The following TACC2 variants were observed in gnomAD, a reference collection of about 807,000 sequenced individuals.
TACC2 encodes the protein transforming acidic coiled-coil-containing protein 2.
TACC2 carries 137 observed loss-of-function variants against 227.3 expected under a neutral mutation model. That is an observed-to-expected ratio of 0.60 (90% CI 0.52 to 0.69). The LOEUF (loss-of-function observed/expected upper bound fraction) is 0.69, where lower values mean the gene tolerates loss of function less well. Among genes scored for constraint, TACC2 ranks in the 30% least tolerant of loss-of-function variants. TACC2 has a pLI of 0.00. For synonymous variants in TACC2, 1,523 were observed against 1,487.5 expected (o/e 1.02, Z -0.55); for missense variants, 3,470 against 3,694.4 (o/e 0.94, Z 1.57).
intron 7 of TACC2, among the ~76,000 whole-genome samples, chr10:122,175,141 A>T (rs1192525962): frequency 6.6e-6 from 1 of 151,900 alleles, no homozygotes; most frequent in Admixed American, 6.6e-5. Context: ...TTTTATAGAG[A>T]TGAGGTTTCT....
chr10:122,204,144 C>T (rs1385498137), intron 8 of TACC2, among the ~76,000 whole-genome samples: 2 of 122,706 alleles, frequency 1.6e-5, no homozygotes, highest in Non-Finnish European at 3.2e-5. Flanking sequence ...AGAGGGAGAC[C>T]TTGGAAAGAG....
intron 16 of TACC2, among the ~76,000 whole-genome samples, chr10:122,231,753 A>T (rs2095754823): frequency 6.6e-6 from 1 of 152,100 alleles, no homozygotes; most frequent in African/African-American, 2.4e-5. Flanking sequence ...AGGTGGGAGG[A>T]TTGCTTGAGC....
intron 5 of TACC2, among the ~76,000 whole-genome samples, chr10:122,090,687 T>TA (rs1304469193): frequency 6.6e-6 from 1 of 152,186 alleles, no homozygotes; most frequent in African/African-American, 2.4e-5. Context: ...AAGCACTCTT[T>TA]AGTGTTTTTA....
chr10:122,085,073 C>T lies in TACC2; in HGVS notation c.2573C>T (p.Thr858Ile), dbSNP rs529398984. ...CAGCCACCTGAAAATGGGAAAGAGA[C>T]TTCTCCAAGCCATCCAGGTTTTAAG... ...QAQPPENGKE[T>I]SPSHPGFKDQ... Residue 858 changes from threonine to isoleucine, a missense_variant, in exon 4 of 23, where the codon ACT becomes ATT. Physicochemically the swap from Thr to Ile is moderately conservative, Grantham distance 89. Coordinates refer to ENST00000369005, the MANE Select transcript of TACC2 (RefSeq NM_206862.4). The T allele has an allele frequency of 6.2e-7, 1 of 1,614,164 alleles. No individual in the cohort carries two copies. The highest frequency in any genetic ancestry group is 1.1e-5 in the South Asian group (1 of 91,080).
At chr10:122,181,879 C>CTT (rs11415310) in intron 7 of TACC2, among the ~76,000 whole-genome samples, 13 of 152,052 alleles carry the variant, frequency 8.5e-5, no homozygotes, top group African/African-American at 2.9e-4. Flanking sequence ...TATTCTTTTT[C>CTT]TTTTTTTTAT....
Position 122,111,540 on chromosome 10 carries a change from G to T in TACC2, c.5574-21069G>T, listed in dbSNP as rs1421576331. Among the ~76,000 whole-genome samples, 4 of 152,338 alleles carry T rather than the reference G, an allele frequency of 2.6e-5. No individual in the cohort carries two copies. In the East Asian group the frequency reaches 7.7e-4, roughly 29 times the overall value. On this transcript the variant is annotated intron_variant, in intron 5 of 22. Coordinates refer to ENST00000369005, the MANE Select transcript of TACC2 (RefSeq NM_206862.4). ...GGAGTCTCGCTCTGTCGCCAGGCTG[G>T]AGTGCGGTGGTGCAACCTCGGCTCA...
At chr10:122,143,533 C>T in intron 6 of TACC2, 39 bp from the exon 7 acceptor site, 1 of 1,605,172 alleles carries the variant, frequency 6.2e-7, no homozygotes, top group Non-Finnish European at 8.5e-7. Context: ...ATTAATGAGC[C>T]CAGCACCATG....
chr10:121,998,123 A>G (rs1953785065), intron 1 of TACC2, among the ~76,000 whole-genome samples: 1 of 152,064 alleles, frequency 6.6e-6, no homozygotes, highest in Admixed American at 6.6e-5. Context: ...CATCCTGGCC[A>G]ATATGGTGAA....
In TACC2 at chr10:122,083,940, G is replaced by A. The variant is rs1168555745; in HGVS notation, c.1440G>A (p.Glu480=). The A allele has an allele frequency of 1.2e-6, 2 of 1,614,068 alleles. No homozygotes were observed. The highest frequency in any genetic ancestry group is 1.3e-5 in the African/African-American group (1 of 75,030). ...RQVSDLGSKG[E]HPEGDPGEVP... is the part of the protein sequence containing the mutation. ...TGTCAGATCTTGGAAGCAAGGGAGA[G>A]CATCCAGAAGGGGACCCTGGAGAGG... is the stretch of plus-strand genomic sequence containing the variant. The change falls in exon 4 of 23, where the codon GAG becomes GAA. Residue 480 remains glutamate (E), a synonymous_variant. Transcript: ENST00000369005.
At chr10:122,114,558 C>G (rs575939888) in intron 5 of TACC2, among the ~76,000 whole-genome samples, 1 of 152,162 alleles carries the variant, frequency 6.6e-6, no homozygotes, top group Non-Finnish European at 1.5e-5. Flanking sequence ...TGGATTCCCA[C>G]GGGGCTCTTT....
At chr10:122,026,194 G>C (rs1476491319) in intron 2 of TACC2, among the ~76,000 whole-genome samples, 1 of 150,916 alleles carries the variant, frequency 6.6e-6, no homozygotes, top group Non-Finnish European at 1.5e-5. Context: ...CGGGCATGGT[G>C]GGGGGCATCT....
chr10:122,178,740 C>A (rs2093846897), intron 7 of TACC2, among the ~76,000 whole-genome samples: 1 of 152,064 alleles, frequency 6.6e-6, no homozygotes, highest in Admixed American at 6.5e-5. Context: ...AAAAAATCAG[C>A]CATGGGGTTG....
rs747907952 is a variant in TACC2, at chr10:122,211,065, G to T, written c.6640G>T (p.Val2214Phe). 1.2e-6 allele frequency: 2 copies of T among 1,612,592 alleles called. No individual in the cohort carries two copies. The highest frequency in any genetic ancestry group is 1.7e-6 in the Non-Finnish European group (2 of 1,179,422). Residue 2214 changes from valine (V) to phenylalanine (F), a missense_variant, in exon 9 of 23, where the codon GTC becomes TTC. This residue lies in a region of TACC2 where 593 missense variants were observed against 636.6 expected (regional missense o/e 0.93). Transcript: ENST00000369005. ...GGACTCAGAGAGTGCAGAAGGGGTT[G>T]TCCCCCCGGCTTCTGGAGGTGGCAG... ...PLDSESAEGV[V>F]PPASGGGRVQ... is the part of the protein sequence containing the mutation.
At chr10:122,110,251 G>A in intron 5 of TACC2, among the ~76,000 whole-genome samples, 1 of 152,174 alleles carries the variant, frequency 6.6e-6, no homozygotes, top group East Asian at 1.9e-4. Flanking sequence ...TCAGTCTTCA[G>A]TAGATTCCAG....
rs1183848172 is a variant in TACC2, at chr10:122,085,323, G to T, written c.2823G>T (p.Leu941Phe). ...SELSAPTRQK[L>F]PALGEKRPEG... ...TGTCAGCACCAACGAGACAGAAGTT[G>T]CCTGCACTAGGGGAGAAGCGGCCAG... Residue 941 changes from leucine (L) to phenylalanine (F), a missense_variant, in exon 4 of 23, where the codon TTG becomes TTT. By Grantham distance (22) the Leu-to-Phe change is conservative (BLOSUM62 0). Transcript: ENST00000369005. The T allele has an allele frequency of 1.2e-6, 2 of 1,614,082 alleles. No individual in the cohort carries two copies. Among genetic ancestry groups the T allele is most frequent in the Non-Finnish European group, 1.7e-6 (2 of 1,180,050 alleles).
At chr10:122,088,064 G>C (rs2137189787) in intron 4 of TACC2, 105 bp downstream of exon 4, 1 of 1,269,874 alleles carries the variant, frequency 7.9e-7, no homozygotes, top group African/African-American at 1.5e-5. Context: ...TTTTCTAAAA[G>C]CTGAGTTTTC....
In TACC2 at chr10:122,254,290, C is replaced by T. The variant is rs778446734; in HGVS notation, c.*234C>T. The T allele has an allele frequency of 1.4e-5, 8 of 560,544 alleles. No individual in the cohort carries two copies. The South Asian group carries it at 1.5e-4, about 10-fold the overall frequency. 34.7% of individuals were successfully genotyped at this position (560,544 alleles called of 1,614,324 possible). On this transcript the variant is annotated 3_prime_UTR_variant, in exon 23 of 23. Coordinates refer to ENST00000369005, the MANE Select transcript of TACC2 (RefSeq NM_206862.4). ...TCATAGCAAGTTGACCTCAGAGTTC[C>T]TGTATCAGGGAGATTGTCTGATTCT...
chr10:122,133,869 C>G (rs1405564005), intron 6 of TACC2, among the ~76,000 whole-genome samples: 1 of 152,192 alleles, frequency 6.6e-6, no homozygotes, highest in African/African-American at 2.4e-5. Flanking sequence ...ATCTCTGGAA[C>G]CGCAGTACCC....
chr10:122,126,097 T>TC (rs202127041), intron 5 of TACC2, among the ~76,000 whole-genome samples: 2 of 84,144 alleles, frequency 2.4e-5, no homozygotes, highest in African/African-American at 5.2e-5. Context: ...TTCTTCACAC[T>TC]CCCCACCGCC....
Sources: allele counts gnomAD v4.1 joint callset (sites outside exome capture counted in the v4.1 genomes callset), GRCh38; gene constraint gnomAD v4.1.1; regional missense constraint gnomAD v4.1.1; transcripts MANE v1.5; gene names NCBI Gene and HGNC (gene_info 2026-07-23, HGNC 2026-07-21).